Variants in SNX29 observed in about 807,000 individuals in gnomAD.
The protein encoded by SNX29 is sorting nexin 29, also known as sorting nexin-29.
Under a neutral mutation model 102.1 loss-of-function variants are expected in SNX29, and 78 were observed. The ratio of observed to expected loss-of-function variants is 0.76; its 90% CI spans 0.64 to 0.92. The LOEUF (loss-of-function observed/expected upper bound fraction) is 0.92, where lower values mean the gene tolerates loss of function less well. SNX29 is among the 40% of genes least tolerant of loss of function. The pLI, the probability that SNX29 is intolerant of heterozygous loss-of-function variation, is 0.00. For missense variants in SNX29, 1,280 were observed against 1,061.7 expected (o/e 1.21, Z -2.86); for synonymous variants, 580 against 414.5 (o/e 1.40, Z -4.85).
At chr16:12,563,130 C>A (rs1363923362) in intron 20 of SNX29, among the ~76,000 whole-genome samples, 2 of 152,090 alleles carry the variant, frequency 1.3e-5, no homozygotes, top group Admixed American at 6.6e-5. Flanking sequence ...GAAAGGTCGC[C>A]ACACGTCCTC....
intron 3 of SNX29, among the ~76,000 whole-genome samples, chr16:12,008,092 C>T (rs929816873): frequency 1.6e-4 from 24 of 152,024 alleles, no homozygotes; most frequent in East Asian, 1.6e-3. Flanking sequence ...TACAGACGCC[C>T]GCCACCATGC....
chr16:12,029,927 C>T (rs2057294947), intron 4 of SNX29, among the ~76,000 whole-genome samples: 2 of 113,960 alleles, frequency 1.8e-5, no homozygotes, highest in South Asian at 2.6e-4. Flanking sequence ...GATATATCAT[C>T]GTCAGGTTAT....
chr16:12,534,331 A>G (rs1461555032), intron 20 of SNX29, among the ~76,000 whole-genome samples: 1 of 152,112 alleles, frequency 6.6e-6, no homozygotes, highest in African/African-American at 2.4e-5. Flanking sequence ...GTGCCCAGCC[A>G]AATGTCCTGG....
intron 18 of SNX29, among the ~76,000 whole-genome samples, chr16:12,410,326 C>T (rs947513376): frequency 6.6e-6 from 1 of 151,876 alleles, no homozygotes; most frequent in African/African-American, 2.4e-5. Context: ...GTTCTGTTTC[C>T]TAGAGGCCAC....
In SNX29 at chr16:12,570,231, C is replaced by T. The variant is rs1288640775; in HGVS notation, c.*1602C>T. 6 of 1,065,256 alleles carry T rather than the reference C, an allele frequency of 5.6e-6. No individual in the cohort carries two copies. The highest frequency in any genetic ancestry group is 1.6e-5 in the African/African-American group (1 of 61,066). 66.0% of individuals were successfully genotyped at this position (1,065,256 alleles called of 1,614,324 possible). On this transcript the variant is annotated 3_prime_UTR_variant, in exon 21 of 21. Coordinates refer to ENST00000566228, the MANE Select transcript of SNX29 (RefSeq NM_032167.5). ...GACCTGGGGCCAGATAAGCCCTGCCCCGGTGAGACCAAATGAGCTGGAGCA... is the reference window on the plus strand; with the variant it reads ...GACCTGGGGCCAGATAAGCCCTGCCTCGGTGAGACCAAATGAGCTGGAGCA...
At chr16:12,169,303 C>T (rs2076090508) in intron 13 of SNX29, among the ~76,000 whole-genome samples, 1 of 152,124 alleles carries the variant, frequency 6.6e-6, no homozygotes, top group South Asian at 2.1e-4. Flanking sequence ...CAAGTGACGC[C>T]GCCTGGTTTG....
intron 11 of SNX29, among the ~76,000 whole-genome samples, chr16:12,124,759 G>C (rs2054131434): frequency 6.6e-6 from 1 of 152,200 alleles, no homozygotes; most frequent in South Asian, 2.1e-4. Flanking sequence ...TCTTAGATCA[G>C]TTTCCATTGG....
At chr16:12,310,050 A>ATGCG (rs1567423600) in intron 15 of SNX29, among the ~76,000 whole-genome samples, 1 of 148,572 alleles carries the variant, frequency 6.7e-6, no homozygotes, top group African/African-American at 2.5e-5. Context: ...ACACATATGT[A>ATGCG]CACACACGCA....
chr16:12,336,382 C>G (rs2081450519), intron 15 of SNX29, among the ~76,000 whole-genome samples: 1 of 152,206 alleles, frequency 6.6e-6, no homozygotes, highest in African/African-American at 2.4e-5. Context: ...TGACATGAAA[C>G]TGTGTCCCTG....
At chr16:12,227,139 G>T (rs773183126) in intron 14 of SNX29, among the ~76,000 whole-genome samples, 9 of 11,778 alleles carry the variant, frequency 7.6e-4, no homozygotes, top group Non-Finnish European at 1.1e-3. Flanking sequence ...GCATCTGGGG[G>T]TCTGGCGGAT....
intron 13 of SNX29, chr16:12,135,642 A>G (rs1252923140): frequency 1.5e-6 from 2 of 1,333,516 alleles, no homozygotes; most frequent in Non-Finnish European, 2.0e-6. Context: ...AGTTCCTGAT[A>G]GTCTCATTTG....
At chr16:12,262,495 G>T (rs1228274301) in intron 14 of SNX29, among the ~76,000 whole-genome samples, 1 of 152,218 alleles carries the variant, frequency 6.6e-6, no homozygotes, top group Non-Finnish European at 1.5e-5. Context: ...ATCAATAAAA[G>T]GCTGGTGGAA....
intron 9 of SNX29, among the ~76,000 whole-genome samples, chr16:12,062,909 C>G (rs1481034785): frequency 6.6e-6 from 1 of 152,184 alleles, no homozygotes; most frequent in African/African-American, 2.4e-5. Flanking sequence ...TTGAGTAAGC[C>G]TGAGTGCATT....
intron 8 of SNX29, among the ~76,000 whole-genome samples, chr16:12,055,106 T>A (rs1283650159): frequency 6.6e-6 from 1 of 152,168 alleles, no homozygotes; most frequent in African/African-American, 2.4e-5. Context: ...GTGGTGGGGC[T>A]GAGGCGGACG....
rs1282185203 is a variant in SNX29 at position 11,976,760 on chromosome 16, G to T, written c.-47G>T. 2.3e-6 allele frequency: 3 copies of T among 1,284,056 alleles called. No homozygotes were observed. The highest frequency in any genetic ancestry group is 2.2e-5 in the South Asian group (1 of 46,486). The allele number at this position is 1,284,056 out of a possible 1,614,324, so 79.5% of individuals were successfully genotyped here. On this transcript the variant is annotated 5_prime_UTR_variant, in exon 1 of 21. Transcript: ENST00000566228. ...TCTGGAGCTCGGCAGCCGCAGAAGC[G>T]GCAGCGGCGGCGGCGCGGCGCAGGC...
chr16:12,566,296 C>T (rs558343634), intron 20 of SNX29, among the ~76,000 whole-genome samples: 2 of 152,306 alleles, frequency 1.3e-5, no homozygotes, highest in East Asian at 1.9e-4. Flanking sequence ...GACAGAGACA[C>T]GTGCCTCCAA....
chr16:12,185,422 T>G (rs569612895), intron 13 of SNX29, among the ~76,000 whole-genome samples: 1 of 152,164 alleles, frequency 6.6e-6, no homozygotes, highest in African/African-American at 2.4e-5. Context: ...TTTAATTATT[T>G]GCACAGAATT....
chr16:12,066,976 C>T (rs1057169593), intron 9 of SNX29, among the ~76,000 whole-genome samples: 1 of 140,238 alleles, frequency 7.1e-6, no homozygotes, highest in South Asian at 2.3e-4. Flanking sequence ...GAGACCGTGT[C>T]TCTAAAATAA....
chr16:12,138,868 G>A (rs953975665), intron 13 of SNX29, among the ~76,000 whole-genome samples: 3 of 152,130 alleles, frequency 2.0e-5, no homozygotes, highest in Non-Finnish European at 4.4e-5. Context: ...TTGTTCAAGA[G>A]AGTTTGAGTG....
Sources: gnomAD v4.1 joint callset for allele counts (sites outside exome capture counted in the v4.1 genomes callset) on GRCh38, gnomAD v4.1.1 for gene constraint, MANE v1.5 for transcripts, NCBI Gene and HGNC (gene_info 2026-07-23, HGNC 2026-07-21) for gene names.